The following PFKFB3 variants were observed in gnomAD, a reference collection of about 807,000 sequenced individuals.
The protein encoded by PFKFB3 is 6-phosphofructo-2-kinase/fructose-2,6-bisphosphatase 3.
In PFKFB3, 33 loss-of-function variants were observed where a neutral mutation model predicts 68.0. The ratio of observed to expected loss-of-function variants is 0.49; its 90% CI spans 0.37 to 0.65. The LOEUF (loss-of-function observed/expected upper bound fraction) is 0.65, where lower values mean the gene tolerates loss of function less well. Ranked by LOEUF, PFKFB3 falls within the 30% of genes least tolerant of loss-of-function variation. The pLI is 0.00. For missense variants in PFKFB3, 586 were observed against 712.2 expected (o/e 0.82, Z 2.02); for synonymous variants, 315 against 288.2 (o/e 1.09, Z -0.94).
chr10:6,232,638 G>A (rs560477303), intron 14 of PFKFB3, among the ~76,000 whole-genome samples: 31 of 152,130 alleles, frequency 2.0e-4, no homozygotes, highest in African/African-American at 7.0e-4. Context: ...GGAGCCACAC[G>A]GCCCCCACCA....
At chr10:6,199,845 C>T (rs1215191755), upstream of PFKFB3, among the ~76,000 whole-genome samples, 3 of 151,540 alleles carry the variant, frequency 2.0e-5, no homozygotes, top group African/African-American at 4.9e-5. Context: ...ATTCTACTCA[C>T]GGAAGGTCCT....
At chr10:6,194,508 AG>A (rs934360472) in intron 1 of PFKFB3, among the ~76,000 whole-genome samples, 14 of 152,316 alleles carry the variant, frequency 9.2e-5, no homozygotes, top group South Asian at 2.1e-4. Flanking sequence ...CTGTTGTTGG[AG>A]GGGGATGCAG....
chr10:6,237,333 G>C (rs1261415826), downstream of PFKFB3, among the ~76,000 whole-genome samples: 1 of 152,256 alleles, frequency 6.6e-6, no homozygotes, highest in African/African-American at 2.4e-5. Context: ...GCCCGCAGTG[G>C]GCTCTGTCAC....
the PFKFB3 span, among the ~76,000 whole-genome samples, chr10:6,313,173 C>T: frequency 1.5e-4 from 23 of 152,218 alleles, no homozygotes; most frequent in Admixed American, 5.9e-4. This position sits in a 1 kb window ranked among gnomAD's most constrained non-coding sequence, Gnocchi z 4.2. Flanking sequence ...ATTAAATGTC[C>T]GTGACATGAT....
At chr10:6,174,610 T>G (rs1387036177) in intron 1 of PFKFB3, among the ~76,000 whole-genome samples, 1 of 152,074 alleles carries the variant, frequency 6.6e-6, no homozygotes, top group African/African-American at 2.4e-5. Context: ...GCCCCTGGAC[T>G]GTGGAGACCC....
the PFKFB3 span, among the ~76,000 whole-genome samples, chr10:6,282,649 T>C: frequency 6.6e-6 from 1 of 152,134 alleles, no homozygotes; most frequent in Admixed American, 6.5e-5. Context: ...AAAAGCTCCT[T>C]GAAACTCATA....
the PFKFB3 span, among the ~76,000 whole-genome samples, chr10:6,265,942 G>C: frequency 5.9e-5 from 9 of 151,550 alleles, no homozygotes; most frequent in Non-Finnish European, 8.8e-5. Context: ...ACTGGGTCTA[G>C]TTCTGTTACG....
intron 1 of PFKFB3, among the ~76,000 whole-genome samples, chr10:6,161,270 C>G (rs1841959877): frequency 6.6e-6 from 1 of 152,126 alleles, no homozygotes; most frequent in South Asian, 2.1e-4. Flanking sequence ...CTCAAACACT[C>G]AAGACTTACG....
chr10:6,182,613 G>A (rs1303436534), intron 1 of PFKFB3, among the ~76,000 whole-genome samples: 2 of 152,220 alleles, frequency 1.3e-5, no homozygotes, highest in African/African-American at 4.8e-5. Context: ...CGGGAGTGCC[G>A]GGATGTGGCC....
At chr10:6,156,164 T>TGTGTGTGTGTGTG in intron 1 of PFKFB3, among the ~76,000 whole-genome samples, 1 of 151,760 alleles carries the variant, frequency 6.6e-6, no homozygotes, top group African/African-American at 2.4e-5. Flanking sequence ...TGTGTGTGTG[T>TGTGTGTGTGTGTG]ATTTTTAGAG....
At chr10:6,225,138 G>T in intron 13 of PFKFB3, 2 of 456,290 alleles carry the variant, frequency 4.4e-6, no homozygotes, top group South Asian at 3.1e-5. Flanking sequence ...TTGTGAAAGT[G>T]AGTTTGAATT....
At chr10:6,251,221 T>G (rs774180476) in intron 14 of PFKFB3, among the ~76,000 whole-genome samples, 1 of 152,176 alleles carries the variant, frequency 6.6e-6, no homozygotes, top group Non-Finnish European at 1.5e-5. Flanking sequence ...CAGACTGATA[T>G]CTTTTTATCT....
chr10:6,179,056 A>C (rs965908064), intron 1 of PFKFB3, among the ~76,000 whole-genome samples: 1 of 152,260 alleles, frequency 6.6e-6, no homozygotes, highest in African/African-American at 2.4e-5. Context: ...ATGTGTTCAA[A>C]GTGCCCAACA....
chr10:6,158,507 T>G (rs575485032), intron 1 of PFKFB3, among the ~76,000 whole-genome samples: 4 of 152,282 alleles, frequency 2.6e-5, no homozygotes, highest in African/African-American at 9.6e-5. Flanking sequence ...ACATTGCTGG[T>G]GGGCCGATAA....
chr10:6,182,868 A>G (rs1263251189), intron 1 of PFKFB3, among the ~76,000 whole-genome samples: 1 of 152,234 alleles, frequency 6.6e-6, no homozygotes, highest in African/African-American at 2.4e-5. Flanking sequence ...CAGACAGAGC[A>G]GTGCCCTTCC....
chr10:6,200,695 G>A (rs992857658), upstream of PFKFB3, among the ~76,000 whole-genome samples: 12 of 123,326 alleles, frequency 9.7e-5, no homozygotes, highest in African/African-American at 3.2e-4. Context: ...GTGGTGGGGC[G>A]GGGATTGAGT....
At chr10:6,237,029 A>G (rs2132070017), downstream of PFKFB3, among the ~76,000 whole-genome samples, 1 of 152,272 alleles carries the variant, frequency 6.6e-6, no homozygotes, top group East Asian at 1.9e-4. Context: ...CTCCGGCCAC[A>G]CTGGCCTCCT....
At position 6,220,550 on chromosome 10, in the gene PFKFB3, C is replaced by T. The variant is rs971753267; in HGVS notation, c.624-108C>T. The stretch of plus-strand genomic sequence containing the variant: ...TCAGTCTGTGCCCTGGAGGGGCCTA[C>T]GGTCCCGCCTTGCTGTTCTCTGGGG... On this transcript the variant is annotated intron_variant, in intron 7 of 14. Transcript: ENST00000379775. The surrounding 1 kb of genome is among the most constrained non-coding windows in gnomAD (Gnocchi z 4.1). 15 of 972,848 alleles carry T rather than the reference C, an allele frequency of 1.5e-5. No homozygotes were observed. The highest frequency in any genetic ancestry group is 7.2e-5 in the East Asian group (3 of 41,468). 60.3% of individuals were successfully genotyped at this position (972,848 alleles called of 1,614,324 possible). A position where few individuals can be genotyped will look rare whatever the true frequency, so the allele number is the denominator to read the frequency against.
the PFKFB3 span, among the ~76,000 whole-genome samples, chr10:6,279,708 A>T: frequency 6.6e-6 from 1 of 152,292 alleles, no homozygotes; most frequent in Non-Finnish European, 1.5e-5. Flanking sequence ...ACTAACCATT[A>T]ACTAGCTCCG....
Sources: gnomAD v4.1 joint callset for allele counts (sites outside exome capture counted in the v4.1 genomes callset) on GRCh38, gnomAD v4.1.1 for gene constraint, Gnocchi (gnomAD v3.1) non-coding constraint, MANE v1.5 for transcripts, NCBI Gene and HGNC (gene_info 2026-07-23, HGNC 2026-07-21) for gene names.